The following WDR72 variants were observed in gnomAD, a reference collection of about 807,000 sequenced individuals.
The protein encoded by WDR72 is WD repeat-containing protein 72.
A neutral mutation model predicts 124.2 loss-of-function variants in WDR72; 120 were observed. The ratio of observed to expected loss-of-function variants is 0.97; its 90% CI spans 0.83 to 1.12. The LOEUF is 1.12. WDR72 is among the 50% of genes most tolerant of loss of function. The pLI is 0.00. For missense variants in WDR72, 1,387 were observed against 1,278.8 expected (o/e 1.08, Z -1.29); for synonymous variants, 452 against 441.7 (o/e 1.02, Z -0.29).
intron 18 of WDR72, among the ~76,000 whole-genome samples, chr15:53,531,891 C>T (rs1357614549): frequency 6.6e-6 from 1 of 152,014 alleles, no homozygotes; most frequent in Non-Finnish European, 1.5e-5. Context: ...CATGGTAAAT[C>T]TCTAAGACAC....
intron 18 of WDR72, among the ~76,000 whole-genome samples, chr15:53,527,385 C>A (rs1227621413): frequency 6.6e-6 from 1 of 151,980 alleles, no homozygotes; most frequent in East Asian, 1.9e-4. Flanking sequence ...ACAACTCCCC[C>A]CAGAAACATT....
chr15:53,535,805 T>A (rs1321964943), intron 18 of WDR72, among the ~76,000 whole-genome samples: 1 of 152,114 alleles, frequency 6.6e-6, no homozygotes, highest in Non-Finnish European at 1.5e-5. Flanking sequence ...ATCTCAGAGC[T>A]TCCAACCCAC....
intron 18 of WDR72, among the ~76,000 whole-genome samples, chr15:53,577,208 C>T (rs2011663677): frequency 1.3e-5 from 2 of 152,170 alleles, no homozygotes; most frequent in African/African-American, 4.8e-5. Flanking sequence ...AACTTCTGCA[C>T]TGTAAAAGCT....
At chr15:53,702,072 T>C in intron 12 of WDR72, 62 bp downstream of exon 12, 1 of 1,270,610 alleles carries the variant, frequency 7.9e-7, no homozygotes, top group Non-Finnish European at 1.1e-6. Context: ...CTTGTCTTAT[T>C]AAGTATTCTA....
intron 14 of WDR72, among the ~76,000 whole-genome samples, chr15:53,653,499 T>G (rs921352887): frequency 6.6e-6 from 1 of 152,202 alleles, no homozygotes; most frequent in African/African-American, 2.4e-5. Context: ...CTAACATCAG[T>G]GGAAATATGA....
intron 14 of WDR72, among the ~76,000 whole-genome samples, chr15:53,616,742 T>A (rs2013783952): frequency 6.6e-6 from 1 of 152,026 alleles, no homozygotes; most frequent in Non-Finnish European, 1.5e-5. Flanking sequence ...ACTCACCTTG[T>A]TGACTTGCAT....
chr15:53,632,567 C>T (rs1359502758), intron 14 of WDR72, among the ~76,000 whole-genome samples: 1 of 152,282 alleles, frequency 6.6e-6, no homozygotes, highest in Non-Finnish European at 1.5e-5. Flanking sequence ...CCTCCAGTCC[C>T]CAGAATGGTA....
chr15:53,597,353 G>A (rs986414013), intron 17 of WDR72, 79 bp from the exon 18 acceptor site: 56 of 1,430,418 alleles, frequency 3.9e-5, no homozygotes, highest in East Asian at 6.9e-5. Context: ...TCCAAAGCCC[G>A]GAATTTAAAT....
At chr15:53,704,247 A>G (rs535635489) in intron 11 of WDR72, among the ~76,000 whole-genome samples, 4 of 152,372 alleles carry the variant, frequency 2.6e-5, no homozygotes, top group African/African-American at 9.6e-5. Flanking sequence ...TAATTATTTA[A>G]AGTCAGCTCA....
chr15:53,625,996 G>T (rs1214186505), intron 14 of WDR72, among the ~76,000 whole-genome samples: 1 of 152,134 alleles, frequency 6.6e-6, no homozygotes, highest in Admixed American at 6.5e-5. Flanking sequence ...GTACTTTCTA[G>T]CAACATGTTC....
At position 53,523,276 on chromosome 15, in the gene WDR72, G is replaced by A. The variant is rs772853352; in HGVS notation, c.3195C>T (p.Asn1065=). 1 of 1,613,120 alleles carries A rather than the reference G, an allele frequency of 6.2e-7. No individual in the cohort carries two copies. The highest frequency in any genetic ancestry group is 8.5e-7 in the Non-Finnish European group (1 of 1,179,436). The change falls in exon 19 of 20, where the codon AAC becomes AAT. Residue 1065 remains asparagine (N), a synonymous_variant. Coordinates refer to ENST00000360509, the MANE Select transcript of WDR72 (RefSeq NM_182758.4). ...VKHDSNSNSA[N]FQDVEDMPDR... ...CAGGCATGTCCTCCACGTCTTGGAA[G>A]TTTGCCGAGTTTGAGTTGCTGTCAT... is the stretch of plus-strand genomic sequence containing the variant.
chr15:53,712,722 A>C (rs2017580460), intron 7 of WDR72, 50 bp downstream of exon 7: 1 of 1,570,144 alleles, frequency 6.4e-7, no homozygotes, highest in Non-Finnish European at 8.7e-7. Context: ...ACAAAACAAA[A>C]AAAATTACAC....
chr15:53,682,923 A>C (rs1369617841), intron 13 of WDR72, among the ~76,000 whole-genome samples: 2 of 152,210 alleles, frequency 1.3e-5, no homozygotes, highest in Non-Finnish European at 2.9e-5. Flanking sequence ...TGGAAGAAAG[A>C]GGCTTAATTG....
At chr15:53,604,405 C>T (rs965331873) in intron 17 of WDR72, among the ~76,000 whole-genome samples, 3 of 152,062 alleles carry the variant, frequency 2.0e-5, no homozygotes, top group African/African-American at 7.2e-5. Context: ...CAATACCATT[C>T]GGGATATAGG....
intron 16 of WDR72, among the ~76,000 whole-genome samples, chr15:53,609,843 TACACAC>T (rs72440914): frequency 0.017 from 2,507 of 150,102 alleles, 43 homozygotes; most frequent in East Asian, 0.078. Flanking sequence ...TGTACATTTA[TACACAC>T]ACACACACAC....
rs1006633052 is a variant in WDR72, at chr15:53,520,462, T to C, written c.3254-2708A>G. Among the ~76,000 whole-genome samples the C allele has an allele frequency of 2.0e-5, 3 of 152,008 alleles. No individual in the cohort carries two copies. The East Asian group carries it at 5.8e-4, about 29-fold the overall frequency. On this transcript the variant is annotated intron_variant, in intron 19 of 19. Coordinates refer to ENST00000360509, the MANE Select transcript of WDR72 (RefSeq NM_182758.4). Reference sequence around the variant, plus strand: ...TGAATGAAAACATTCCAGTTGAAAATGGTAAGAATGTGCATTCAGAATTAA... The same window carrying C: ...TGAATGAAAACATTCCAGTTGAAAACGGTAAGAATGTGCATTCAGAATTAA...
rs758148753 is a variant in WDR72, at chr15:53,706,065, G to A, written c.964C>T (p.Arg322Cys). Residue 322 changes from arginine (R) to cysteine (C), a missense_variant, in exon 10 of 20, where the codon CGT becomes TGT. By Grantham distance (180) the Arg-to-Cys change is radical. Transcript: ENST00000360509. ...TTCATGTAGCCCATAACAAAGGGAC[G>A]GCTCTGTTCCTAAACAAAAAGTGAG... is the stretch of plus-strand genomic sequence containing the variant. ...TSVQENKEQS[R>C]PFVMGYMNER... The A allele has an allele frequency of 4.3e-6, 7 of 1,613,692 alleles. No homozygotes were observed. Among genetic ancestry groups the A allele is most frequent in the Admixed American group, 3.3e-5 (2 of 59,978 alleles).
chr15:53,565,120 A>G (rs2414243), intron 18 of WDR72, among the ~76,000 whole-genome samples: 30,508 of 151,756 alleles, frequency 0.2, 5,049 homozygotes, highest in African/African-American at 0.46. Flanking sequence ...TAAAAATTTC[A>G]TGAGCATATT....
chr15:53,712,843 T>A lies in WDR72; in HGVS notation c.640A>T (p.Asn214Tyr). 1 of 1,613,884 alleles carries A rather than the reference T, an allele frequency of 6.2e-7. No individual in the cohort carries two copies. Among genetic ancestry groups the A allele is most frequent in the South Asian group, 1.1e-5 (1 of 91,042 alleles). Residue 214 changes from asparagine (N) to tyrosine (Y), a missense_variant, in exon 7 of 20, where the codon AAC (asparagine) becomes TAC (tyrosine). Transcript: ENST00000360509. ...GTGCAAAATCGAATTGTCTGGCAGT[T>A]CAAGGACTCAAGAAACTTGGATTCT... ...EKESKFLESL[N>Y]CQTIRFCTYT... is the part of the protein sequence containing the mutation.
Sources: allele counts gnomAD v4.1 joint callset (sites outside exome capture counted in the v4.1 genomes callset), GRCh38; gene constraint gnomAD v4.1.1; transcripts MANE v1.5; gene names NCBI Gene and HGNC (gene_info 2026-07-23, HGNC 2026-07-21).